The following GRIK2 variants were observed in gnomAD, a reference collection of about 807,000 sequenced individuals.
The protein encoded by GRIK2 is glutamate ionotropic receptor kainate type subunit 2.
GRIK2 carries 32 observed loss-of-function variants against 100.3 expected under a neutral mutation model. The observed-to-expected ratio is 0.32, with a 90% confidence interval of 0.24 to 0.43. GRIK2 has a LOEUF of 0.43. Ranked by LOEUF, GRIK2 falls within the 20% of genes least tolerant of loss-of-function variation. The pLI is 1.00. For synonymous variants in GRIK2, 417 were observed against 389.4 expected (o/e 1.07, Z -0.83); for missense variants, 843 against 1,114.9 (o/e 0.76, Z 3.47).
intron 12 of GRIK2, among the ~76,000 whole-genome samples, chr6:101,895,122 A>G (rs1214019833): frequency 6.6e-6 from 1 of 151,824 alleles, no homozygotes; most frequent in Non-Finnish European, 1.5e-5. Context: ...AGGGTCAAAT[A>G]GAGGAGAAAG....
chr6:101,510,423 C>G (rs567367277), intron 2 of GRIK2, among the ~76,000 whole-genome samples: 4 of 151,264 alleles, frequency 2.6e-5, no homozygotes, highest in Non-Finnish European at 5.9e-5. Context: ...TGCCTTTGTT[C>G]CCACATTCTC....
chr6:101,401,146 T>C (rs567809433), intron 2 of GRIK2, among the ~76,000 whole-genome samples: 3 of 152,308 alleles, frequency 2.0e-5, no homozygotes, highest in East Asian at 3.9e-4. Context: ...TGTTTGTGAA[T>C]GAGTGTGCGT....
chr6:101,572,969 C>T (rs541939838), intron 2 of GRIK2, among the ~76,000 whole-genome samples: 105 of 152,008 alleles, frequency 6.9e-4, no homozygotes, highest in African/African-American at 2.5e-3. Flanking sequence ...GCCTCAGCCT[C>T]CTGAGTAGCT....
intron 10 of GRIK2, among the ~76,000 whole-genome samples, chr6:101,848,940 T>C (rs1253000950): frequency 6.6e-6 from 1 of 152,066 alleles, no homozygotes; most frequent in Non-Finnish European, 1.5e-5. Flanking sequence ...GTTATATTTC[T>C]TGGGTGTTTT....
intron 14 of GRIK2, among the ~76,000 whole-genome samples, chr6:102,015,485 G>C (rs545783427): frequency 1.3e-5 from 2 of 152,216 alleles, no homozygotes. Flanking sequence ...CTACACCAGA[G>C]CCCTGCCCTA....
chr6:101,659,680 T>C (rs1302253521), intron 4 of GRIK2, among the ~76,000 whole-genome samples: 1 of 152,206 alleles, frequency 6.6e-6, no homozygotes, highest in Non-Finnish European at 1.5e-5. Flanking sequence ...TGACAAAATG[T>C]CTCAGCATTT....
At chr6:102,063,682 G>A (rs890193934) in intron 16 of GRIK2, among the ~76,000 whole-genome samples, 1 of 149,434 alleles carries the variant, frequency 6.7e-6, no homozygotes, top group Non-Finnish European at 1.5e-5. Context: ...CATCAACAAT[G>A]ATATTCTTGA....
At chr6:101,466,267 A>C (rs767178426) in intron 2 of GRIK2, among the ~76,000 whole-genome samples, 1 of 151,994 alleles carries the variant, frequency 6.6e-6, no homozygotes, top group South Asian at 2.1e-4. Context: ...TAGTTTATGA[A>C]TGCATGAGAT....
At chr6:101,726,487 A>G (rs1033174867) in intron 7 of GRIK2, among the ~76,000 whole-genome samples, 1 of 152,036 alleles carries the variant, frequency 6.6e-6, no homozygotes, top group African/African-American at 2.4e-5. Flanking sequence ...ACAGGAATCA[A>G]TTGGGACAGC....
chr6:101,988,502 T>C (rs1418234354), intron 14 of GRIK2, among the ~76,000 whole-genome samples: 1 of 151,798 alleles, frequency 6.6e-6, no homozygotes, highest in African/African-American at 2.4e-5. Context: ...ACTGCCTAAA[T>C]TGAATTCTGG....
chr6:101,733,200 T>A (rs1775398653), intron 7 of GRIK2, among the ~76,000 whole-genome samples: 1 of 152,128 alleles, frequency 6.6e-6, no homozygotes, highest in African/African-American at 2.4e-5. Flanking sequence ...GTTCAGAGTC[T>A]CATCTAAATA....
At chr6:102,067,165 A>G (rs1772058414) in intron 16 of GRIK2, among the ~76,000 whole-genome samples, 1 of 151,754 alleles carries the variant, frequency 6.6e-6, no homozygotes, top group Admixed American at 6.6e-5. Context: ...TATATCATAT[A>G]TAACGTGTTT....
chr6:101,854,311 G>A (rs1323418625), intron 10 of GRIK2, among the ~76,000 whole-genome samples: 8 of 152,132 alleles, frequency 5.3e-5, no homozygotes, highest in Admixed American at 4.6e-4. Context: ...CTAGGCTGGA[G>A]TGCAATGGCA....
At chr6:101,442,881 C>T (rs1392925236) in intron 2 of GRIK2, among the ~76,000 whole-genome samples, 1 of 152,124 alleles carries the variant, frequency 6.6e-6, no homozygotes, top group African/African-American at 2.4e-5. Context: ...TTTGCATTAG[C>T]GTATTTACTA....
chr6:101,756,715 A>C (rs1777160214), intron 7 of GRIK2, among the ~76,000 whole-genome samples: 1 of 152,088 alleles, frequency 6.6e-6, no homozygotes, highest in African/African-American at 2.4e-5. Context: ...AATTAAAAAT[A>C]AGATTTATTT....
At position 101,907,856 on chromosome 6, in the gene GRIK2, TA is replaced by T. The variant is rs376743903; in HGVS notation, c.1749-16744del. Among the ~76,000 whole-genome samples, 299 of 151,808 alleles carry T rather than the reference TA, an allele frequency of 2.0e-3. 3 individuals carry two copies. The highest frequency in any genetic ancestry group is 6.2e-3 in the African/African-American group (256 of 41,492). On this transcript the variant is annotated intron_variant, in intron 12 of 16. Coordinates refer to ENST00000369134, the MANE Select transcript of GRIK2 (RefSeq NM_021956.5). The stretch of plus-strand genomic sequence containing the variant: ...ATATGCTACATTTTAGTTTTTCACT[TA>T]TTTCCTCATTTATCCTTTAAGACAT...
At chr6:101,892,828 T>C (rs544179479) in intron 12 of GRIK2, among the ~76,000 whole-genome samples, 1 of 151,664 alleles carries the variant, frequency 6.6e-6, no homozygotes, top group South Asian at 2.1e-4. Context: ...CAATTTTCAA[T>C]CTTAAAATAA....
intron 2 of GRIK2, among the ~76,000 whole-genome samples, chr6:101,439,753 T>C (rs1769941044): frequency 6.6e-6 from 1 of 152,188 alleles, no homozygotes; most frequent in Non-Finnish European, 1.5e-5. Flanking sequence ...ATAGGTATTA[T>C]AAGTAGCTAT....
At chr6:101,727,005 T>A (rs1774915610) in intron 7 of GRIK2, among the ~76,000 whole-genome samples, 1 of 152,046 alleles carries the variant, frequency 6.6e-6, no homozygotes, top group Non-Finnish European at 1.5e-5. Context: ...TTAACAATAT[T>A]TGCCCTAACT....
Sources: allele counts gnomAD v4.1 joint callset (sites outside exome capture counted in the v4.1 genomes callset), GRCh38; gene constraint gnomAD v4.1.1; transcripts MANE v1.5; gene names NCBI Gene and HGNC (gene_info 2026-07-23, HGNC 2026-07-21).